LRRC69: variants seen among roughly 807,000 people sequenced by gnomAD.
The protein encoded by LRRC69 is leucine-rich repeat-containing protein 69.
A neutral mutation model predicts 37.8 loss-of-function variants in LRRC69; 42 were observed. That is an observed-to-expected ratio of 1.11 (90% CI 0.87 to 1.44). The LOEUF is 1.44. LRRC69 is among the 40% of genes most tolerant of loss of function. The probability of loss-of-function intolerance (pLI) is 0.00; values close to 1 mark genes in which losing one functional copy is unlikely to be tolerated. For synonymous variants in LRRC69, 141 were observed against 143.1 expected, an observed-to-expected ratio of 0.99 and a Z score of 0.11; for missense variants, 357 against 401.9, an observed-to-expected ratio of 0.89 and a Z score of 0.96.
chr8:91,177,590 G>C (rs1473560031), intron 5 of LRRC69, among the ~76,000 whole-genome samples: 1 of 152,046 alleles, frequency 6.6e-6, no homozygotes, highest in Non-Finnish European at 1.5e-5. Flanking sequence ...AATGAACACT[G>C]TTCTGAAACA....
At chr8:91,120,057 C>G (rs1318424335) in intron 1 of LRRC69, among the ~76,000 whole-genome samples, 1 of 151,938 alleles carries the variant, frequency 6.6e-6, no homozygotes, top group Non-Finnish European at 1.5e-5. Flanking sequence ...CCAGCTTCTT[C>G]TTCATTTTCT....
chr8:91,214,903 G>A (rs1810011334), intron 7 of LRRC69, among the ~76,000 whole-genome samples: 1 of 151,904 alleles, frequency 6.6e-6, no homozygotes, highest in Non-Finnish European at 1.5e-5. Context: ...CCATCTGGAG[G>A]CTCCTGGGGG....
intron 1 of LRRC69, among the ~76,000 whole-genome samples, chr8:91,123,073 G>A (rs748603426): frequency 6.6e-6 from 1 of 152,066 alleles, no homozygotes; most frequent in Non-Finnish European, 1.5e-5. Context: ...GGAAAGTGGG[G>A]CATATAAGCC....
intron 5 of LRRC69, among the ~76,000 whole-genome samples, chr8:91,163,248 A>G (rs12114389): frequency 0.012 from 1,784 of 151,438 alleles, 39 homozygotes; most frequent in African/African-American, 0.04. Flanking sequence ...AGATTTGTTT[A>G]CTTGCTTATT....
chr8:91,191,503 A>G (rs1420691951), intron 6 of LRRC69, among the ~76,000 whole-genome samples: 2 of 152,194 alleles, frequency 1.3e-5, no homozygotes, highest in African/African-American at 4.8e-5. Flanking sequence ...TTATAGATAT[A>G]GAAATGGAGA....
At chr8:91,117,645 G>A (rs1245200403) in intron 1 of LRRC69, among the ~76,000 whole-genome samples, 2 of 149,842 alleles carry the variant, frequency 1.3e-5, no homozygotes, top group Admixed American at 1.3e-4. Flanking sequence ...CACAAGTCCA[G>A]GATGTGGGAT....
chr8:91,200,476 T>TTAGA, intron 6 of LRRC69, 137 bp from the exon 7 acceptor site: 2 of 551,078 alleles, frequency 3.6e-6, no homozygotes, highest in Non-Finnish European at 5.9e-6. Context: ...ACACAATTCA[T>TTAGA]TAGATACACT....
chr8:91,216,067 A>T (rs1341253311), intron 7 of LRRC69, among the ~76,000 whole-genome samples: 1 of 152,220 alleles, frequency 6.6e-6, no homozygotes, highest in African/African-American at 2.4e-5. Context: ...TCTAGAAAAC[A>T]ATTCATAGCC....
At chr8:91,169,523 A>G (rs796225097) in intron 5 of LRRC69, among the ~76,000 whole-genome samples, 1 of 150,590 alleles carries the variant, frequency 6.6e-6, no homozygotes. Context: ...TGTGTATATA[A>G]TTTTTTTTTT....
intron 5 of LRRC69, among the ~76,000 whole-genome samples, chr8:91,173,891 C>G (rs958734528): frequency 6.6e-6 from 1 of 151,042 alleles, no homozygotes; most frequent in Non-Finnish European, 1.5e-5. Context: ...TTCAACATAA[C>G]GAATTTTTGG....
At chr8:91,191,279 A>C (rs1018236242) in intron 6 of LRRC69, among the ~76,000 whole-genome samples, 4 of 152,152 alleles carry the variant, frequency 2.6e-5, no homozygotes, top group Admixed American at 2.0e-4. Flanking sequence ...TTTGAAATTT[A>C]ATAGTAAATA....
At chr8:91,206,591 C>A in intron 7 of LRRC69, 1 of 995,542 alleles carries the variant, frequency 1.0e-6, no homozygotes, top group Non-Finnish European at 1.3e-6. Context: ...TGGTGATGTT[C>A]TGAACACCTT....
At position 91,218,886 on chromosome 8, in the gene LRRC69, T is replaced by C; in HGVS notation, c.934-4T>C. ...AAATTTTATTTTTAATCTTTACTTT[T>C]TAGGACTGGAAGATAAGCAAGAATC... On this transcript the variant is annotated splice_polypyrimidine_tract_variant and splice_region_variant and intron_variant, in intron 7 of 7. Transcript: ENST00000448384. 2 of 1,526,290 alleles carry C rather than the reference T, an allele frequency of 1.3e-6. No individual in the cohort carries two copies. The highest frequency in any genetic ancestry group is 1.8e-6 in the Non-Finnish European group (2 of 1,126,536). The allele number at this position is 1,526,290 out of a possible 1,614,324, so 94.5% of individuals were successfully genotyped here.
chr8:91,110,876 G>T (rs987076260), intron 1 of LRRC69, among the ~76,000 whole-genome samples: 3 of 152,024 alleles, frequency 2.0e-5, no homozygotes, highest in African/African-American at 7.2e-5. Flanking sequence ...AAAGCATGCA[G>T]CTCATTAGAA....
intron 7 of LRRC69, chr8:91,206,677 C>T: frequency 7.8e-7 from 1 of 1,289,182 alleles, no homozygotes; most frequent in Non-Finnish European, 1.0e-6. Context: ...ACTCTTATTT[C>T]ATGTCTCTCT....
chr8:91,215,105 C>T (rs964183460), intron 7 of LRRC69, among the ~76,000 whole-genome samples: 2 of 152,068 alleles, frequency 1.3e-5, no homozygotes, highest in Non-Finnish European at 2.9e-5. Context: ...CCTAGGTAGT[C>T]CAGGGTAACT....
At chr8:91,212,971 A>G (rs1048974231) in intron 7 of LRRC69, among the ~76,000 whole-genome samples, 11 of 149,702 alleles carry the variant, frequency 7.3e-5, no homozygotes, top group African/African-American at 2.7e-4. Flanking sequence ...CTTTCGGAGA[A>G]CTCTCCCTTT....
intron 1 of LRRC69, among the ~76,000 whole-genome samples, chr8:91,121,814 T>C (rs1813627484): frequency 6.6e-6 from 1 of 151,812 alleles, no homozygotes; most frequent in African/African-American, 2.4e-5. Flanking sequence ...CTTTAAGAGA[T>C]ATGTATTCAC....
At chr8:91,197,100 G>A (rs4464929) in intron 6 of LRRC69, among the ~76,000 whole-genome samples, 3 of 151,228 alleles carry the variant, frequency 2.0e-5, no homozygotes, top group Non-Finnish European at 3.0e-5. Flanking sequence ...AGTACCCTGC[G>A]GTGTGAGGTG....
Sources: allele counts gnomAD v4.1 joint callset (sites outside exome capture counted in the v4.1 genomes callset), GRCh38; gene constraint gnomAD v4.1.1; transcripts MANE v1.5; gene names NCBI Gene and HGNC (gene_info 2026-07-23, HGNC 2026-07-21).